The following RBFOX1 variants were observed in gnomAD, a reference collection of about 807,000 sequenced individuals.
RBFOX1 encodes RNA binding fox-1 homolog 1.
Under a neutral mutation model 57.7 loss-of-function variants are expected in RBFOX1, and 8 were observed. The ratio of observed to expected loss-of-function variants is 0.14; its 90% CI spans 0.08 to 0.25. The LOEUF is 0.25. RBFOX1 is among the 10% of genes least tolerant of loss of function. The pLI, the probability that RBFOX1 is intolerant of heterozygous loss-of-function variation, is 1.00. For missense variants in RBFOX1, 611 were observed against 548.5 expected (o/e 1.11, Z -1.14); for synonymous variants, 326 against 222.4 (o/e 1.47, Z -4.15).
intron 3 of RBFOX1, among the ~76,000 whole-genome samples, chr16:5,736,619 T>C (rs1356866729): frequency 6.6e-6 from 1 of 152,118 alleles, no homozygotes; most frequent in African/African-American, 2.4e-5. Context: ...TTTAAATTTT[T>C]CTTAATTTAT....
intron 4 of RBFOX1, among the ~76,000 whole-genome samples, chr16:7,325,576 A>G (rs1387190935): frequency 6.6e-6 from 1 of 152,076 alleles, no homozygotes; most frequent in Non-Finnish European, 1.5e-5. Context: ...CTAAGTGGGG[A>G]GATGTGACTT....
intron 1 of RBFOX1, among the ~76,000 whole-genome samples, chr16:6,310,594 C>T (rs926326552): frequency 1.3e-5 from 2 of 152,170 alleles, no homozygotes; most frequent in South Asian, 2.1e-4. Flanking sequence ...AGCGGTCAAG[C>T]AGCTTGCCCA....
intron 3 of RBFOX1, among the ~76,000 whole-genome samples, chr16:5,852,119 T>C (rs2056912349): frequency 6.6e-6 from 1 of 152,188 alleles, no homozygotes; most frequent in Non-Finnish European, 1.5e-5. Flanking sequence ...TGATCCTTAG[T>C]AAAAGTTAAC....
In RBFOX1 at chr16:6,786,777, A is replaced by G. The variant is rs117725845; in HGVS notation, c.-16+132127A>G. ...GAGATACTTAAAGAAACTCCACCCA[A>G]TGGAAGTGGACATGAGGTCACATCG... On this transcript the variant is annotated intron_variant, in intron 3 of 15. Coordinates refer to ENST00000550418, the MANE Select transcript of RBFOX1 (RefSeq NM_018723.4). Among the ~76,000 whole-genome samples the G allele has an allele frequency of 1.1e-3, 162 of 152,294 alleles. 2 individuals are homozygous for G. The highest frequency in any genetic ancestry group is 7.5e-3 in the Admixed American group (115 of 15,298).
intron 1 of RBFOX1, among the ~76,000 whole-genome samples, chr16:5,273,555 C>T (rs1298629849): frequency 6.6e-6 from 1 of 152,086 alleles, no homozygotes; most frequent in Non-Finnish European, 1.5e-5. Flanking sequence ...TGGACAATCC[C>T]CAAGGTTTGG....
chr16:6,064,661 C>G (rs993752700), intron 1 of RBFOX1, among the ~76,000 whole-genome samples: 2 of 152,108 alleles, frequency 1.3e-5, no homozygotes, highest in African/African-American at 4.8e-5. Flanking sequence ...CTGCCTCAGC[C>G]TCCCAAGTAG....
chr16:6,230,939 A>G (rs991509851), intron 1 of RBFOX1, among the ~76,000 whole-genome samples: 2 of 152,160 alleles, frequency 1.3e-5, no homozygotes, highest in African/African-American at 4.8e-5. Flanking sequence ...AATGAAGTAG[A>G]TGTAGCCCTC....
At chr16:6,008,160 G>T (rs1251854438) in intron 4 of RBFOX1, among the ~76,000 whole-genome samples, 1 of 152,060 alleles carries the variant, frequency 6.6e-6, no homozygotes, top group Non-Finnish European at 1.5e-5. Flanking sequence ...AGTCGAGCTG[G>T]TGCCACTGTA....
At chr16:6,856,251 C>A (rs1315894484) in intron 3 of RBFOX1, among the ~76,000 whole-genome samples, 1 of 152,278 alleles carries the variant, frequency 6.6e-6, no homozygotes, top group East Asian at 1.9e-4. Context: ...CAGCCTCCAT[C>A]TGCTCAGATC....
At chr16:6,439,459 T>C (rs775947753) in intron 2 of RBFOX1, among the ~76,000 whole-genome samples, 7 of 152,146 alleles carry the variant, frequency 4.6e-5, no homozygotes, top group Non-Finnish European at 1.0e-4. Flanking sequence ...CCTGGGCAAG[T>C]GATGGGATTG....
chr16:7,220,315 G>T (rs1273219409), intron 4 of RBFOX1, among the ~76,000 whole-genome samples: 1 of 152,158 alleles, frequency 6.6e-6, no homozygotes, highest in Admixed American at 6.5e-5. Context: ...CATGCTGAGT[G>T]AGATTCCATT....
intron 4 of RBFOX1, among the ~76,000 whole-genome samples, chr16:7,446,127 T>A (rs2098805736): frequency 6.6e-6 from 1 of 152,212 alleles, no homozygotes; most frequent in African/African-American, 2.4e-5. Context: ...CTGTGTGAAA[T>A]GACTAATTAA....
chr16:7,630,542 A>T, intron 10 of RBFOX1, 61 bp from the exon 11 acceptor site: 1 of 1,606,206 alleles, frequency 6.2e-7, no homozygotes, highest in South Asian at 1.1e-5. Context: ...CATTGCCGTG[A>T]TCTCTCAGGT....
chr16:5,931,201 T>TTGAGGC (rs1404122706), intron 4 of RBFOX1, among the ~76,000 whole-genome samples: 10 of 152,156 alleles, frequency 6.6e-5, no homozygotes, highest in Admixed American at 2.0e-4. Context: ...ACCACATCAA[T>TTGAGGC]CATCCTATTG....
At position 7,653,859 on chromosome 16, in the gene RBFOX1, C is replaced by A. The variant is rs890155302; in HGVS notation, c.802C>A (p.Arg268=). ...AGCAGCCACCGCCGCGGCCGCCTACCGAGGGGCGCACCTGCGAGGCCGCGG... is the reference window on the plus strand; with the variant it reads ...AGCAGCCACCGCCGCGGCCGCCTACAGAGGGGCGCACCTGCGAGGCCGCGG... ...YPAATAAAAY[R]GAHLRGRGRT... Residue 268 remains arginine, a synonymous_variant, in exon 12 of 16, where the codon CGA becomes AGA. Coordinates refer to ENST00000550418, the MANE Select transcript of RBFOX1 (RefSeq NM_018723.4). The A allele has an allele frequency of 8.1e-6, 13 of 1,605,888 alleles. No homozygotes were observed. Among genetic ancestry groups the A allele is most frequent in the Non-Finnish European group, 1.1e-5 (13 of 1,179,512 alleles).
chr16:6,506,924 A>T (rs987072305), intron 2 of RBFOX1, among the ~76,000 whole-genome samples: 3 of 152,186 alleles, frequency 2.0e-5, no homozygotes, highest in Non-Finnish European at 2.9e-5. Context: ...CTGGGGTTAC[A>T]GTCATGAGCC....
At chr16:6,337,922 A>G (rs1021356661) in intron 2 of RBFOX1, among the ~76,000 whole-genome samples, 3 of 152,208 alleles carry the variant, frequency 2.0e-5, no homozygotes, top group African/African-American at 7.2e-5. Flanking sequence ...CTCATATCTC[A>G]GTCCCAATGC....
intron 3 of RBFOX1, among the ~76,000 whole-genome samples, chr16:5,651,243 G>A (rs2049230217): frequency 6.6e-6 from 1 of 151,652 alleles, no homozygotes; most frequent in Non-Finnish European, 1.5e-5. Context: ...AGTAGAGACA[G>A]GGTTTCACTA....
chr16:5,734,065 C>T (rs187930318), intron 3 of RBFOX1, among the ~76,000 whole-genome samples: 38 of 152,270 alleles, frequency 2.5e-4, no homozygotes, highest in Admixed American at 2.5e-3. Context: ...GGCACTTTCC[C>T]AGGGTGTTTA....
Sources: gnomAD v4.1 joint callset for allele counts (sites outside exome capture counted in the v4.1 genomes callset) on GRCh38, gnomAD v4.1.1 for gene constraint, MANE v1.5 for transcripts, NCBI Gene and HGNC (gene_info 2026-07-23, HGNC 2026-07-21) for gene names.